Variants in PUM1 observed in about 807,000 individuals in gnomAD.
The protein encoded by PUM1 is pumilio RNA binding family member 1.
PUM1 carries 13 observed loss-of-function variants against 131.8 expected under a neutral mutation model. The ratio of observed to expected loss-of-function variants is 0.10; its 90% CI spans 0.06 to 0.16. The LOEUF is 0.16. Among genes scored for constraint, PUM1 ranks in the 10% least tolerant of loss-of-function variants. The pLI is 1.00. For synonymous variants in PUM1, 509 were observed against 556.5 expected (o/e 0.91, Z 1.20); for missense variants, 961 against 1,512.4 (o/e 0.64, Z 6.05).
chr1:31,028,419 C>G (rs1472235349), intron 3 of PUM1, among the ~76,000 whole-genome samples: 136 of 116,490 alleles, frequency 1.2e-3, no homozygotes, highest in Middle Eastern at 4.6e-3. Context: ...TTGCCATTGG[C>G]GGGGGGGGTG....
In PUM1 at chr1:31,065,653, C is replaced by G. The variant is rs1475816859; in HGVS notation, c.-49G>C. 1 of 1,549,580 alleles carries G rather than the reference C, an allele frequency of 6.5e-7. No homozygotes were observed. Among genetic ancestry groups the G allele is most frequent in the Non-Finnish European group, 8.7e-7 (1 of 1,146,866 alleles). ...AGGATGAAGATGGATTTCAGCCCCC[C>G]GATCTTCTCTCTCTGGCGCTCTCGC... On this transcript the variant is annotated 5_prime_UTR_variant, in exon 1 of 22. Coordinates refer to ENST00000426105, the MANE Select transcript of PUM1 (RefSeq NM_001020658.2).
chr1:31,033,070 G>A (rs928981399), intron 2 of PUM1, among the ~76,000 whole-genome samples: 8 of 150,284 alleles, frequency 5.3e-5, no homozygotes, highest in African/African-American at 9.8e-5. Context: ...AAAAAAAAAC[G>A]TTATTTTCCT....
intron 14 of PUM1, among the ~76,000 whole-genome samples, chr1:30,957,361 T>A (rs1038765468): frequency 2.6e-5 from 4 of 152,254 alleles, no homozygotes; most frequent in African/African-American, 9.6e-5. Flanking sequence ...ATTTGTTGAC[T>A]GAATCTCATT....
chr1:31,047,141 A>T (rs976027215), intron 2 of PUM1, among the ~76,000 whole-genome samples: 1 of 152,154 alleles, frequency 6.6e-6, no homozygotes, highest in Non-Finnish European at 1.5e-5. Context: ...GTAAGCCGAG[A>T]TTGCACCATT....
At chr1:31,008,000 T>C (rs1642456376) in intron 3 of PUM1, among the ~76,000 whole-genome samples, 1 of 152,212 alleles carries the variant, frequency 6.6e-6, no homozygotes, top group Non-Finnish European at 1.5e-5. Flanking sequence ...CCTCTAATTA[T>C]GTTTTCAACT....
At chr1:30,979,747 A>G (rs921592700) in intron 9 of PUM1, among the ~76,000 whole-genome samples, 32 of 152,188 alleles carry the variant, frequency 2.1e-4, no homozygotes, top group African/African-American at 7.7e-4. Flanking sequence ...TACCTGAACT[A>G]TATGATAGAC....
chr1:30,938,876 G>T (rs1039933235), intron 20 of PUM1, among the ~76,000 whole-genome samples: 11 of 147,534 alleles, frequency 7.5e-5, no homozygotes, highest in African/African-American at 2.8e-4. Context: ...TTCATAGATA[G>T]AGATAGATAG....
Position 30,995,202 on chromosome 1 carries a change from T to G in PUM1, c.739A>C (p.Ser247Arg), listed in dbSNP as rs1293403314. The G allele has an allele frequency of 6.2e-7, 1 of 1,614,170 alleles. No individual in the cohort carries two copies. Among genetic ancestry groups the G allele is most frequent in the Non-Finnish European group, 8.5e-7 (1 of 1,179,996 alleles). ...KGGFGPRDAD[S>R]DENDKGEKKN... is the part of the protein sequence containing the mutation. ...TTTTCACCTTTGTCGTTTTCATCAC[T>G]GTCTGCATCCCTTGGGCCCTGTTTA... The change falls in exon 6 of 22, where the codon AGT becomes CGT. Residue 247 changes from serine (S) to arginine (R), a missense_variant. Physicochemically the swap from Ser to Arg is moderately radical, Grantham distance 110. Around this residue, in one of 4 missense-constraint regions of PUM1, gnomAD observed 654 missense variants for 923.9 expected, o/e 0.71. Coordinates refer to ENST00000426105, the MANE Select transcript of PUM1 (RefSeq NM_001020658.2).
rs146614721 is a variant in PUM1, at chr1:31,002,134, T to C, written c.720+3719A>G. On this transcript the variant is annotated intron_variant, in intron 5 of 21. Coordinates refer to ENST00000426105, the MANE Select transcript of PUM1 (RefSeq NM_001020658.2). ...CATTTTGCAGATGAATTAAGGTCCA[T>C]TTGAAACTCAAACCCCTGATTTCTA... 7.6e-4 allele frequency among the ~76,000 whole-genome samples: 116 copies of C among 152,312 alleles called. 1 individual carries two copies. The highest frequency in any genetic ancestry group is 2.6e-3 in the African/African-American group (110 of 41,568).
intron 21 of PUM1, 143 bp from the exon 22 acceptor site, chr1:30,933,485 C>CACACACACACACACACACACACACA (rs67174905): frequency 1.2e-6 from 1 of 812,450 alleles, no homozygotes; most frequent in African/African-American, 1.8e-5. Flanking sequence ...CACACACACA[C>CACACACACACACACACACACACACA]CCCTACAGCA....
At chr1:31,018,768 A>G (rs1467992393) in intron 3 of PUM1, among the ~76,000 whole-genome samples, 1 of 152,260 alleles carries the variant, frequency 6.6e-6, no homozygotes, top group Non-Finnish European at 1.5e-5. Context: ...CCAGTCTATC[A>G]TTGGAGTTCT....
chr1:31,039,975 G>C (rs1265300481), intron 2 of PUM1, among the ~76,000 whole-genome samples: 1 of 152,124 alleles, frequency 6.6e-6, no homozygotes, highest in East Asian at 1.9e-4. Context: ...CGACAAGAGC[G>C]AAACTCCATC....
intron 2 of PUM1, among the ~76,000 whole-genome samples, chr1:31,044,698 A>G (rs1643911465): frequency 6.6e-6 from 1 of 152,158 alleles, no homozygotes; most frequent in African/African-American, 2.4e-5. Flanking sequence ...TTTTTTTAAG[A>G]TGGAGTCTTG....
chr1:30,965,507 A>C (rs944607649), intron 13 of PUM1, among the ~76,000 whole-genome samples: 61 of 152,324 alleles, frequency 4.0e-4, no homozygotes, highest in African/African-American at 1.4e-3. Context: ...AACATTAAAA[A>C]TATCTTGGTC....
intron 7 of PUM1, among the ~76,000 whole-genome samples, chr1:30,991,102 T>C (rs1641773052): frequency 6.6e-6 from 1 of 152,076 alleles, no homozygotes; most frequent in African/African-American, 2.4e-5. Context: ...ATATTTTTGT[T>C]CATAAGAAAT....
At chr1:30,976,995 AGT>A in intron 9 of PUM1, among the ~76,000 whole-genome samples, 1 of 152,328 alleles carries the variant, frequency 6.6e-6, no homozygotes, top group South Asian at 2.1e-4. Context: ...AAACAGGTAG[AGT>A]GTTCCTTAAC....
At chr1:30,965,418 C>G (rs1640579601) in intron 13 of PUM1, among the ~76,000 whole-genome samples, 1 of 152,164 alleles carries the variant, frequency 6.6e-6, no homozygotes, top group Non-Finnish European at 1.5e-5. Flanking sequence ...ATTTAGGGAT[C>G]ACTTTTGTTT....
At chr1:31,005,621 T>C (rs1413036050) in intron 5 of PUM1, among the ~76,000 whole-genome samples, 1 of 152,196 alleles carries the variant, frequency 6.6e-6, no homozygotes, top group Non-Finnish European at 1.5e-5. Context: ...ATACTATCAA[T>C]GTGTCCCCCC....
In PUM1 at chr1:30,968,630, A is replaced by G. The variant is rs1329700417; in HGVS notation, c.1507-138T>C. On this transcript the variant is annotated intron_variant, in intron 10 of 21. Transcript: ENST00000426105. The stretch of plus-strand genomic sequence containing the variant: ...ATGGTTTTTATATGTCACAGCTGTT[A>G]GCGTATAAATTCAATTAATAACATT... 3.8e-6 allele frequency: 3 copies of G among 796,384 alleles called. No homozygotes were observed. In the African/African-American group the frequency reaches 5.4e-5, roughly 14 times the overall value. The allele number at this position is 796,384 out of a possible 1,614,324, so 49.3% of individuals were successfully genotyped here. A position where few individuals can be genotyped will look rare whatever the true frequency, so the allele number is the denominator to read the frequency against.
Sources: gnomAD v4.1 joint callset for allele counts (sites outside exome capture counted in the v4.1 genomes callset) on GRCh38, gnomAD v4.1.1 for gene constraint, gnomAD v4.1.1 regional missense constraint, MANE v1.5 for transcripts, NCBI Gene and HGNC (gene_info 2026-07-23, HGNC 2026-07-21) for gene names.